Variants in ZNF138 observed in about 807,000 individuals in gnomAD.
ZNF138 encodes the protein zinc finger protein 138.
In ZNF138, 33 loss-of-function variants were observed where a neutral mutation model predicts 33.0. That is an observed-to-expected ratio of 1.00 (90% CI 0.76 to 1.34). The LOEUF (loss-of-function observed/expected upper bound fraction) is 1.34, where lower values mean the gene tolerates loss of function less well. Among genes scored for constraint, ZNF138 ranks in the 40% most tolerant of loss-of-function variants. The pLI, the probability that ZNF138 is intolerant of heterozygous loss-of-function variation, is 0.00. For missense variants in ZNF138, 360 were observed against 370.8 expected, an observed-to-expected ratio of 0.97 and a Z score of 0.24; for synonymous variants, 139 against 120.4, an observed-to-expected ratio of 1.15 and a Z score of -1.01.
At chr7:64,805,619 TA>T (rs1229505146) in intron 1 of ZNF138, among the ~76,000 whole-genome samples, 9 of 152,016 alleles carry the variant, frequency 5.9e-5, no homozygotes, top group Admixed American at 5.9e-4. Context: ...GGGAAGATGG[TA>T]AAAGTCAAGA....
chr7:64,832,819 C>A lies in ZNF138; in HGVS notation c.*617C>A. On this transcript the variant is annotated 3_prime_UTR_variant, in exon 4 of 4. Coordinates refer to ENST00000307355, the MANE Select transcript of ZNF138 (RefSeq NM_001271639.2). The stretch of plus-strand genomic sequence containing the variant: ...CTTACTAAACACAAGAAGATTCATA[C>A]TAGAGAGAAACCCTACAAATGTGAA... The A allele has an allele frequency of 2.2e-6, 1 of 449,156 alleles. No homozygotes were observed. Among genetic ancestry groups the A allele is most frequent in the South Asian group, 1.7e-5 (1 of 57,844 alleles). 27.8% of individuals were successfully genotyped at this position (449,156 alleles called of 1,614,324 possible).
At chr7:64,852,329 T>C in the ZNF138 span, 502,165 of 1,077,214 alleles carry the variant, frequency 0.47, 118,586 homozygotes, top group Non-Finnish European at 0.49. Flanking sequence ...TAGTCTTTAA[T>C]TGAAGCGATG....
intron 1 of ZNF138, among the ~76,000 whole-genome samples, chr7:64,795,226 T>A (rs528746422): frequency 1.4e-4 from 22 of 152,146 alleles, no homozygotes; most frequent in Non-Finnish European, 2.5e-4. Context: ...TTTCACAAGG[T>A]AGTAATTTAC....
At chr7:64,818,266 G>A (rs1178829995) in intron 3 of ZNF138, among the ~76,000 whole-genome samples, 1 of 151,924 alleles carries the variant, frequency 6.6e-6, no homozygotes, top group Non-Finnish European at 1.5e-5. Context: ...GATTACAGGT[G>A]CGATCCACCA....
chr7:64,854,927 G>C, the ZNF138 span, among the ~76,000 whole-genome samples: 1 of 152,064 alleles, frequency 6.6e-6, no homozygotes, highest in African/African-American at 2.4e-5. Flanking sequence ...ATTGAAGATT[G>C]CAAATCTAAT....
chr7:64,830,325 AT>A (rs1284094440), intron 3 of ZNF138, among the ~76,000 whole-genome samples: 6 of 150,332 alleles, frequency 4.0e-5, no homozygotes, highest in South Asian at 2.1e-4. Flanking sequence ...TATTTTTTGT[AT>A]TTTTTCCCTC....
At chr7:64,844,868 G>A in the ZNF138 span, among the ~76,000 whole-genome samples, 5 of 152,072 alleles carry the variant, frequency 3.3e-5, no homozygotes, top group Non-Finnish European at 1.5e-5. Context: ...TGTATTTTTA[G>A]AAGAGACGGG....
intron 3 of ZNF138, among the ~76,000 whole-genome samples, chr7:64,821,351 AG>A (rs757399778): frequency 6.0e-5 from 9 of 151,184 alleles, no homozygotes; most frequent in Non-Finnish European, 1.2e-4. Flanking sequence ...AGCCTCCCAA[AG>A]TGCTGGGATT....
At chr7:64,816,857 C>T (rs552285740) in intron 3 of ZNF138, among the ~76,000 whole-genome samples, 1 of 152,146 alleles carries the variant, frequency 6.6e-6, no homozygotes, top group Non-Finnish European at 1.5e-5. Flanking sequence ...GGGATGCCCT[C>T]TGGGTTTGTA....
At chr7:64,826,362 C>T (rs1158714720) in intron 3 of ZNF138, among the ~76,000 whole-genome samples, 3 of 151,834 alleles carry the variant, frequency 2.0e-5, no homozygotes, top group East Asian at 3.9e-4. Flanking sequence ...TCACCACAAC[C>T]TCTGCCTCCC....
In ZNF138 at chr7:64,809,918, C is replaced by T. The variant is rs1300412119; in HGVS notation, c.4-5000C>T. ...ATGTGATGGCAGCCAGGAAGAGGTG[C>T]TCCTCACTTCCTAGGTGGGATGGCG... On this transcript the variant is annotated intron_variant, in intron 1 of 3. Transcript: ENST00000307355. Among the ~76,000 whole-genome samples, 3 of 89,802 alleles carry T rather than the reference C, an allele frequency of 3.3e-5. 1 individual carries two copies. The highest frequency in any genetic ancestry group is 1.3e-4 in the African/African-American group (3 of 22,698). The allele number at this position is 89,802 out of a possible 152,430, so 58.9% of individuals were successfully genotyped here. A position where few individuals can be genotyped will look rare whatever the true frequency, so the allele number is the denominator to read the frequency against.
chr7:64,844,885 C>A, the ZNF138 span, among the ~76,000 whole-genome samples: 1 of 152,168 alleles, frequency 6.6e-6, no homozygotes, highest in African/African-American at 2.4e-5. Flanking sequence ...CGGGGTTTCA[C>A]CATGTTGGTC....
intron 1 of ZNF138, among the ~76,000 whole-genome samples, chr7:64,802,117 T>C (rs985036136): frequency 1.3e-5 from 2 of 152,182 alleles, no homozygotes; most frequent in Admixed American, 6.5e-5. Context: ...AAGAAATACA[T>C]GGATTTGTCC....
the ZNF138 span, among the ~76,000 whole-genome samples, chr7:64,844,933 C>T: frequency 3.3e-5 from 5 of 152,344 alleles, no homozygotes; most frequent in Non-Finnish European, 5.9e-5. Flanking sequence ...GATCTGCCCG[C>T]CTCGGCCTCC....
chr7:64,837,027 G>A (rs1341461216), downstream of ZNF138: 1 of 152,232 alleles, frequency 6.6e-6, no homozygotes, highest in Non-Finnish European at 1.5e-5. Context: ...AGATTTTCAG[G>A]CCAGCGAAAG....
chr7:64,814,440 G>T (rs780849657), intron 1 of ZNF138, among the ~76,000 whole-genome samples: 1 of 152,062 alleles, frequency 6.6e-6, no homozygotes, highest in African/African-American at 2.4e-5. Flanking sequence ...TTTTCTCAGG[G>T]CAAGAAGTAC....
intron 3 of ZNF138, among the ~76,000 whole-genome samples, chr7:64,821,279 C>T (rs1406552861): frequency 2.7e-5 from 4 of 150,686 alleles, no homozygotes; most frequent in Non-Finnish European, 5.9e-5. Flanking sequence ...TTAATAGAGA[C>T]GGAGTTTCAC....
At chr7:64,844,665 A>G in the ZNF138 span, among the ~76,000 whole-genome samples, 5,447 of 127,756 alleles carry the variant, frequency 0.043, 335 homozygotes, top group African/African-American at 0.14. Context: ...AGTAAGTTTT[A>G]TGTGTTTTTT....
intron 1 of ZNF138, among the ~76,000 whole-genome samples, chr7:64,803,526 G>A (rs979939934): frequency 6.6e-6 from 1 of 152,120 alleles, no homozygotes; most frequent in Non-Finnish European, 1.5e-5. Flanking sequence ...GGAGTCTGTG[G>A]TTGTGCTTTG....
Sources: allele counts gnomAD v4.1 joint callset (sites outside exome capture counted in the v4.1 genomes callset), GRCh38; gene constraint gnomAD v4.1.1; transcripts MANE v1.5; gene names NCBI Gene and HGNC (gene_info 2026-07-23, HGNC 2026-07-21).